Variants in OXR1 observed in about 807,000 individuals in gnomAD.
The protein encoded by OXR1 is oxidation resistance 1, also known as oxidation resistance protein 1.
A neutral mutation model predicts 104.6 loss-of-function variants in OXR1; 41 were observed. The observed-to-expected ratio is 0.39, with a 90% CI of 0.31 to 0.51. OXR1 has a LOEUF of 0.51. Among genes scored for constraint, OXR1 ranks in the 20% least tolerant of loss-of-function variants. The pLI is 0.77. For missense variants in OXR1, 955 were observed against 1,031.9 expected, an observed-to-expected ratio of 0.93 and a Z score of 1.02; for synonymous variants, 348 against 348.4, an observed-to-expected ratio of 1.00 and a Z score of 0.01.
chr8:106,645,012 A>T (rs927199939), intron 3 of OXR1, among the ~76,000 whole-genome samples: 1 of 152,002 alleles, frequency 6.6e-6, no homozygotes, highest in African/African-American at 2.4e-5. Context: ...CAATACTTAG[A>T]TTGGCGGATT....
intron 1 of OXR1, among the ~76,000 whole-genome samples, chr8:106,321,433 G>A (rs1349888285): frequency 6.6e-6 from 1 of 152,216 alleles, no homozygotes; most frequent in Admixed American, 6.5e-5. Flanking sequence ...AGCAGGGACA[G>A]ATAGGAGACA....
chr8:106,649,138 G>A (rs113257043), intron 3 of OXR1, among the ~76,000 whole-genome samples: 1 of 152,196 alleles, frequency 6.6e-6, no homozygotes, highest in African/African-American at 2.4e-5. Context: ...CCAGGAGGTC[G>A]AGGATGCAGT....
intron 11 of OXR1, among the ~76,000 whole-genome samples, chr8:106,719,077 TTCCCC>T (rs1832588515): frequency 6.6e-6 from 1 of 152,198 alleles, no homozygotes; most frequent in Non-Finnish European, 1.5e-5. Context: ...ATTACAGTCT[TTCCCC>T]TGATTTCTGC....
chr8:106,715,901 G>A (rs1008916619), intron 11 of OXR1, among the ~76,000 whole-genome samples: 6 of 152,134 alleles, frequency 3.9e-5, no homozygotes, highest in African/African-American at 1.4e-4. Context: ...AAATGGAAGA[G>A]AAAAAAATAA....
At chr8:106,724,272 A>G (rs1833120121) in intron 11 of OXR1, among the ~76,000 whole-genome samples, 1 of 152,218 alleles carries the variant, frequency 6.6e-6, no homozygotes, top group Non-Finnish European at 1.5e-5. Flanking sequence ...AGTGTTTTCA[A>G]AAGTGCTTTG....
At chr8:106,562,900 C>A (rs1350285245) in intron 3 of OXR1, among the ~76,000 whole-genome samples, 4 of 152,124 alleles carry the variant, frequency 2.6e-5, no homozygotes, top group African/African-American at 9.7e-5. Context: ...AAATAAAATC[C>A]TTTACAGACA....
At chr8:106,580,028 T>G (rs895977343) in intron 3 of OXR1, among the ~76,000 whole-genome samples, 2 of 152,224 alleles carry the variant, frequency 1.3e-5, no homozygotes, top group Non-Finnish European at 2.9e-5. Context: ...TTCCTGTGTA[T>G]GATTGACTGG....
At chr8:106,478,909 A>G (rs1011952101) in intron 2 of OXR1, among the ~76,000 whole-genome samples, 1 of 151,916 alleles carries the variant, frequency 6.6e-6, no homozygotes, top group East Asian at 1.9e-4. Context: ...ACTTTGTTAT[A>G]AAGTAGGAAA....
intron 2 of OXR1, among the ~76,000 whole-genome samples, chr8:106,396,941 A>G (rs1226250093): frequency 1.3e-5 from 2 of 152,174 alleles, no homozygotes; most frequent in African/African-American, 4.8e-5. Flanking sequence ...CTGTGTATGT[A>G]TAATGACTTG....
chr8:106,509,928 C>A (rs1383501295), intron 2 of OXR1, among the ~76,000 whole-genome samples: 1 of 152,066 alleles, frequency 6.6e-6, no homozygotes, highest in Non-Finnish European at 1.5e-5. Flanking sequence ...CACACCACCA[C>A]GCCCCGCTAA....
At chr8:106,578,278 A>G (rs986941186) in intron 3 of OXR1, among the ~76,000 whole-genome samples, 2 of 152,102 alleles carry the variant, frequency 1.3e-5, no homozygotes, top group Admixed American at 1.3e-4. Flanking sequence ...GTTTTCTGCT[A>G]TTGCTTTCTT....
intron 2 of OXR1, among the ~76,000 whole-genome samples, chr8:106,492,391 T>C (rs1163369107): frequency 6.6e-6 from 1 of 152,202 alleles, no homozygotes; most frequent in Non-Finnish European, 1.5e-5. Context: ...TTGTTTTGTG[T>C]CCAATAGCCT....
intron 2 of OXR1, among the ~76,000 whole-genome samples, chr8:106,389,083 G>A (rs1954753): frequency 0.64 from 97,505 of 151,994 alleles, 31,511 homozygotes; most frequent in Middle Eastern, 0.68. Flanking sequence ...AGCTTTTAGT[G>A]AGATAAATAT....
chr8:106,695,778 A>G (rs1472695629), intron 7 of OXR1, among the ~76,000 whole-genome samples: 1 of 150,114 alleles, frequency 6.7e-6, no homozygotes, highest in Non-Finnish European at 1.5e-5. Context: ...TAACTTTTAA[A>G]TTTTATGCCA....
At chr8:106,317,057 T>C (rs974358818) in intron 1 of OXR1, among the ~76,000 whole-genome samples, 1 of 151,996 alleles carries the variant, frequency 6.6e-6, no homozygotes, top group Admixed American at 6.6e-5. Context: ...TTAAGAGCAA[T>C]AGTTTGCAGA....
chr8:106,424,148 G>A (rs1450207558), intron 2 of OXR1, among the ~76,000 whole-genome samples: 2 of 151,922 alleles, frequency 1.3e-5, no homozygotes, highest in African/African-American at 4.8e-5. Flanking sequence ...ATTTTGGCCA[G>A]GCTGGTCTCA....
At position 106,707,060 on chromosome 8, in the gene OXR1, A is replaced by G. The variant is rs1831209106; in HGVS notation, c.1539A>G (p.Gln513=). Residue 513 remains glutamine, a synonymous_variant, in exon 9 of 17, where the codon CAA becomes CAG. Coordinates refer to ENST00000517566, the MANE Select transcript of OXR1 (RefSeq NM_001198533.2). ...TTTGGAAAACCCATACTATGCAACAAACTAAACAGCAAAGGGAAAATATTC... is the reference window on the plus strand; with the variant it reads ...TTTGGAAAACCCATACTATGCAACAGACTAAACAGCAAAGGGAAAATATTC... ...RKLWKTHTMQ[Q]TKQQRENIQQ... is the part of the protein sequence containing the mutation. 1 of 1,613,870 alleles carries G rather than the reference A, an allele frequency of 6.2e-7. No homozygotes were observed. Among genetic ancestry groups the G allele is most frequent in the Non-Finnish European group, 8.5e-7 (1 of 1,179,942 alleles).
intron 1 of OXR1, among the ~76,000 whole-genome samples, chr8:106,293,235 A>G (rs1812831599): frequency 1.3e-5 from 2 of 152,168 alleles, no homozygotes; most frequent in Admixed American, 1.3e-4. Flanking sequence ...CCAAAATGTA[A>G]ATCACATTTT....
chr8:106,532,485 A>G (rs1814170477), intron 3 of OXR1, among the ~76,000 whole-genome samples: 1 of 152,228 alleles, frequency 6.6e-6, no homozygotes, highest in African/African-American at 2.4e-5. Flanking sequence ...TTTGTAATAT[A>G]AGATAATGTA....
Sources: allele counts gnomAD v4.1 joint callset (sites outside exome capture counted in the v4.1 genomes callset), GRCh38; gene constraint gnomAD v4.1.1; transcripts MANE v1.5; gene names NCBI Gene and HGNC (gene_info 2026-07-23, HGNC 2026-07-21).